AMBRA1: variants seen among roughly 807,000 people sequenced by gnomAD.
AMBRA1 encodes the protein autophagy and beclin 1 regulator 1, also known as activating molecule in BECN1-regulated autophagy protein 1.
AMBRA1 carries 47 observed loss-of-function variants against 125.4 expected under a neutral mutation model. The observed-to-expected ratio is 0.37, with a 90% confidence interval of 0.30 to 0.48. AMBRA1 has a LOEUF of 0.48. Among genes scored for constraint, AMBRA1 ranks in the 20% least tolerant of loss-of-function variants. The probability of loss-of-function intolerance (pLI) is 0.99; values close to 1 mark genes in which losing one functional copy is unlikely to be tolerated. For missense variants in AMBRA1, 1,331 were observed against 1,693.4 expected (o/e 0.79, Z 3.76); for synonymous variants, 626 against 655.5 (o/e 0.95, Z 0.69).
chr11:46,575,394 T>G (rs1334025876), intron 1 of AMBRA1, among the ~76,000 whole-genome samples: 3 of 151,026 alleles, frequency 2.0e-5, no homozygotes, highest in African/African-American at 7.3e-5. Context: ...AAGGTGGAGG[T>G]TGTGGTGAGC....
At chr11:46,399,645 G>C (rs1338050895) in intron 17 of AMBRA1, among the ~76,000 whole-genome samples, 1 of 151,408 alleles carries the variant, frequency 6.6e-6, no homozygotes, top group Non-Finnish European at 1.5e-5. Context: ...GATTACAGGC[G>C]TGAGCCACCG....
chr11:46,464,851 C>G (rs988303175), intron 11 of AMBRA1, among the ~76,000 whole-genome samples: 2 of 151,972 alleles, frequency 1.3e-5, no homozygotes, highest in African/African-American at 4.8e-5. Flanking sequence ...TTGAGACCAT[C>G]CTGGCCAACA....
At chr11:46,562,481 G>T (rs574695925) in intron 1 of AMBRA1, among the ~76,000 whole-genome samples, 86 of 152,324 alleles carry the variant, frequency 5.6e-4, no homozygotes, top group African/African-American at 1.9e-3. Context: ...TATAAGAGAT[G>T]AATAGTCATA....
chr11:46,530,875 C>CTCATTCATTGAT (rs1189465812), intron 7 of AMBRA1, among the ~76,000 whole-genome samples: 1 of 152,184 alleles, frequency 6.6e-6, no homozygotes, highest in Non-Finnish European at 1.5e-5. Context: ...CAGCCACACT[C>CTCATTCATTGAT]TCATTCATTG....
At chr11:46,532,008 A>G (rs1952237940) in intron 7 of AMBRA1, among the ~76,000 whole-genome samples, 2 of 151,742 alleles carry the variant, frequency 1.3e-5, no homozygotes, top group African/African-American at 4.8e-5. Context: ...AATCCCAGCT[A>G]CTCAGGAGGC....
chr11:46,425,683 T>C (rs1374920337), intron 14 of AMBRA1, among the ~76,000 whole-genome samples: 1 of 151,554 alleles, frequency 6.6e-6, no homozygotes, highest in Non-Finnish European at 1.5e-5. Context: ...CTACTAAAAA[T>C]ACAGAAATTA....
chr11:46,438,531 T>C lies in AMBRA1; in HGVS notation c.2633-3494A>G, dbSNP rs540994630. On this transcript the variant is annotated intron_variant, in intron 12 of 17. Coordinates refer to ENST00000683756, the MANE Select transcript of AMBRA1 (RefSeq NM_001387011.1). ...GCAGTGCCTTTGCAAATGCATTAGA[T>C]ACCGATTTGGAAAACCCAAGGGGGG... 1.2e-4 allele frequency among the ~76,000 whole-genome samples: 18 copies of C among 152,330 alleles called. No homozygotes were observed. The East Asian group carries it at 2.9e-3, about 24-fold the overall frequency.
At chr11:46,528,894 C>T (rs1282507943) in intron 7 of AMBRA1, among the ~76,000 whole-genome samples, 2 of 152,124 alleles carry the variant, frequency 1.3e-5, no homozygotes, top group Non-Finnish European at 2.9e-5. Context: ...GCAGTAGAAG[C>T]TGGGCTACCT....
chr11:46,565,068 C>G (rs1305101098), intron 1 of AMBRA1, among the ~76,000 whole-genome samples: 1 of 152,036 alleles, frequency 6.6e-6, no homozygotes, highest in Non-Finnish European at 1.5e-5. Context: ...CCAGCCTGGG[C>G]ATCATGGCAA....
intron 11 of AMBRA1, 115 bp downstream of exon 11, chr11:46,493,493 G>C (rs928159404): frequency 1.4e-5 from 12 of 831,918 alleles, no homozygotes; most frequent in Non-Finnish European, 2.2e-5. Flanking sequence ...CCCCAAAATA[G>C]AATTTTCAGA....
chr11:46,593,770 C>T (rs2044691949), intron 1 of AMBRA1, 58 bp downstream of exon 1: 1 of 392,358 alleles, frequency 2.5e-6, no homozygotes, highest in South Asian at 1.4e-4. Flanking sequence ...CCAAGGTCTT[C>T]TCAACCCCGC....
chr11:46,581,212 C>T (rs925762775), intron 1 of AMBRA1, among the ~76,000 whole-genome samples: 6 of 152,110 alleles, frequency 3.9e-5, no homozygotes, highest in Admixed American at 1.3e-4. Context: ...GTGGCTCACA[C>T]CTGTAATCCC....
Position 46,455,200 on chromosome 11 carries a change from T to C in AMBRA1, c.2522-11602A>G, listed in dbSNP as rs1017998657. Reference sequence around the variant, plus strand: ...CTGCACCCAGCATAGGTTTTCTTTTTCTTTTTTTTTAATTGTGCTAAAAAG... The same window carrying C: ...CTGCACCCAGCATAGGTTTTCTTTTCCTTTTTTTTTAATTGTGCTAAAAAG... On this transcript the variant is annotated intron_variant, in intron 11 of 17. Transcript: ENST00000683756. Among the ~76,000 whole-genome samples, 3 of 152,176 alleles carry C rather than the reference T, an allele frequency of 2.0e-5. No homozygotes were observed. The South Asian group carries it at 6.2e-4, about 32-fold the overall frequency.
At chr11:46,591,941 A>AT (rs1167665024) in intron 1 of AMBRA1, among the ~76,000 whole-genome samples, 15,984 of 115,138 alleles carry the variant, frequency 0.14, 1,655 homozygotes, top group East Asian at 0.26. Flanking sequence ...CTCAAGACTG[A>AT]TTTTTTTTTT....
At chr11:46,521,934 A>C (rs2135096235) in intron 7 of AMBRA1, among the ~76,000 whole-genome samples, 1 of 152,340 alleles carries the variant, frequency 6.6e-6, no homozygotes, top group South Asian at 2.1e-4. Context: ...ATCAAATATA[A>C]ACAATTCACA....
rs1949297831 is a variant in AMBRA1, at chr11:46,465,785, T to A, written c.2522-22187A>T. ...ATGATAAATTAGCACTTCTCATAAG[T>A]AACACAGAACTTCTGAAATGTATAC... On this transcript the variant is annotated intron_variant, in intron 11 of 17. Transcript: ENST00000683756. Among the ~76,000 whole-genome samples, 10 of 152,340 alleles carry A rather than the reference T, an allele frequency of 6.6e-5. No homozygotes were observed. In the South Asian group the frequency reaches 2.1e-3, roughly 32 times the overall value.
At chr11:46,463,876 G>T (rs1471559464) in intron 11 of AMBRA1, among the ~76,000 whole-genome samples, 2 of 152,206 alleles carry the variant, frequency 1.3e-5, no homozygotes, top group African/African-American at 4.8e-5. Context: ...TCTGGCCTGT[G>T]GAAGATCCAA....
intron 11 of AMBRA1, among the ~76,000 whole-genome samples, chr11:46,479,678 CAG>C (rs1486185145): frequency 6.6e-6 from 1 of 152,140 alleles, no homozygotes; most frequent in Non-Finnish European, 1.5e-5. Context: ...GCCTGGGCGA[CAG>C]AGCGAGATTC....
At chr11:46,464,941 A>T (rs1949258859) in intron 11 of AMBRA1, among the ~76,000 whole-genome samples, 1 of 152,156 alleles carries the variant, frequency 6.6e-6, no homozygotes, top group Non-Finnish European at 1.5e-5. Context: ...GCTACTCAGG[A>T]GTCTGAGGCA....
Sources: allele counts gnomAD v4.1 joint callset (sites outside exome capture counted in the v4.1 genomes callset), GRCh38; gene constraint gnomAD v4.1.1; transcripts MANE v1.5; gene names NCBI Gene and HGNC (gene_info 2026-07-23, HGNC 2026-07-21).